Variants in C2orf92 observed in about 807,000 individuals in gnomAD.
The protein encoded by C2orf92 is chromosome 2 open reading frame 92.
At chr2:97,671,989 G>A (rs997790759) in intron 1 of C2orf92, among the ~76,000 whole-genome samples, 2 of 152,310 alleles carry the variant, frequency 1.3e-5, no homozygotes, top group African/African-American at 4.8e-5. Flanking sequence ...GAGACTCATT[G>A]GTCTCCACTC....
chr2:97,673,108 T>A (rs1675467371), intron 1 of C2orf92, among the ~76,000 whole-genome samples: 1 of 152,230 alleles, frequency 6.6e-6, no homozygotes, highest in South Asian at 2.1e-4. Flanking sequence ...TCTGCTTTGT[T>A]TCTGCCCCCA....
At chr2:97,681,106 CAAAAAAAAAAAA>C (rs58856044) in intron 3 of C2orf92, among the ~76,000 whole-genome samples, 9 of 11,968 alleles carry the variant, frequency 7.5e-4, no homozygotes, top group South Asian at 4.5e-3. Context: ...GACTCCATCT[CAAAAAAAAAAAA>C]AAAAAAAAAA....
upstream of C2orf92, chr2:97,669,658 G>A (rs920870651): frequency 2.5e-6 from 1 of 394,160 alleles, no homozygotes. Flanking sequence ...GGTTGAGCAG[G>A]CTCCACCTCA....
intron 2 of C2orf92, 57 bp downstream of exon 2, chr2:97,674,614 T>C (rs1475913362): frequency 5.0e-6 from 2 of 398,290 alleles, no homozygotes; most frequent in Non-Finnish European, 8.8e-6. Context: ...CTCTGTGTTA[T>C]CTCAAATATG....
chr2:97,688,371 G>C (rs1042576364), intron 3 of C2orf92, among the ~76,000 whole-genome samples: 6 of 152,138 alleles, frequency 3.9e-5, no homozygotes, highest in African/African-American at 1.4e-4. Flanking sequence ...AAAGCCTAGA[G>C]GGGAAGGTAA....
chr2:97,696,589 A>G (rs1676312882), intron 5 of C2orf92, among the ~76,000 whole-genome samples: 2 of 152,094 alleles, frequency 1.3e-5, no homozygotes, highest in African/African-American at 4.8e-5. Flanking sequence ...TACAAATATT[A>G]GCTGGGTGTG....
chr2:97,681,366 CTA>C (rs1345018421), intron 3 of C2orf92, among the ~76,000 whole-genome samples: 5 of 152,124 alleles, frequency 3.3e-5, no homozygotes, highest in African/African-American at 4.8e-5. Flanking sequence ...TGGAATGAAA[CTA>C]GAAATCTACA....
intron 3 of C2orf92, among the ~76,000 whole-genome samples, chr2:97,679,327 A>T (rs1003485616): frequency 6.6e-6 from 1 of 152,212 alleles, no homozygotes. Context: ...TACAGTGTAT[A>T]AAGATAGACT....
chr2:97,663,945 G>T, upstream of C2orf92: 1 of 979,294 alleles, frequency 1.0e-6, no homozygotes, highest in Non-Finnish European at 1.3e-6. Context: ...CACCGGATGG[G>T]CGGGCGGGCG....
chr2:97,678,913 G>A (rs1312618902), intron 3 of C2orf92, among the ~76,000 whole-genome samples: 1 of 151,676 alleles, frequency 6.6e-6, no homozygotes, highest in Non-Finnish European at 1.5e-5. Context: ...GGGAAGTCCA[G>A]GCTGCAGTGA....
In C2orf92 at chr2:97,702,809, C is replaced by A; in HGVS notation, c.*8C>A. 2.5e-6 allele frequency: 1 copy of A among 398,924 alleles called. No individual in the cohort carries two copies. Among genetic ancestry groups the A allele is most frequent in the South Asian group, 1.3e-4 (1 of 7,836 alleles). The allele number at this position is 398,924 out of a possible 1,614,324, so 24.7% of individuals were successfully genotyped here. ...AGCAGCTCCTGTGTCTAAGCCAGGT[C>A]GTGGGGCCGTCAAACCAGGACTTGA... On this transcript the variant is annotated 3_prime_UTR_variant, in exon 8 of 8. Coordinates refer to ENST00000627399, the MANE Select transcript of C2orf92 (RefSeq NM_001351368.2).
At chr2:97,665,692 A>ACTCT (rs67429887), upstream of C2orf92, 46 of 85,528 alleles carry the variant, frequency 5.4e-4, 1 homozygote, top group African/African-American at 1.7e-3. Flanking sequence ...TCAAAGCATG[A>ACTCT]CTCTCTCTCT....
At chr2:97,694,506 C>G (rs1287882300) in intron 5 of C2orf92, 1 of 151,596 alleles carries the variant, frequency 6.6e-6, no homozygotes, top group Non-Finnish European at 1.5e-5. Flanking sequence ...ATGATCCGCC[C>G]GCCTCGGCCT....
At chr2:97,664,114 T>G (rs1324574128), upstream of C2orf92, 5 of 264,142 alleles carry the variant, frequency 1.9e-5, no homozygotes, top group Middle Eastern at 1.1e-3. Context: ...CGGGGCTGGC[T>G]GCGCGAAGGG....
At chr2:97,683,103 C>T (rs1021182892) in intron 3 of C2orf92, among the ~76,000 whole-genome samples, 2 of 151,834 alleles carry the variant, frequency 1.3e-5, no homozygotes, top group South Asian at 4.1e-4. Context: ...CACACACACA[C>T]ACACACACAC....
chr2:97,675,368 A>G (rs1675541044), intron 2 of C2orf92, among the ~76,000 whole-genome samples: 1 of 152,218 alleles, frequency 6.6e-6, no homozygotes, highest in Admixed American at 6.5e-5. Flanking sequence ...GCCCTGCACC[A>G]TGTTTTATGA....
At chr2:97,676,326 C>T (rs944434116) in intron 3 of C2orf92, among the ~76,000 whole-genome samples, 3 of 149,100 alleles carry the variant, frequency 2.0e-5, no homozygotes, top group Admixed American at 1.3e-4. Flanking sequence ...CCCAGCTACT[C>T]GGGAGGTTGA....
At chr2:97,696,887 C>T (rs1676322387) in intron 5 of C2orf92, among the ~76,000 whole-genome samples, 1 of 152,202 alleles carries the variant, frequency 6.6e-6, no homozygotes, top group Non-Finnish European at 1.5e-5. Context: ...CATAGGTCCA[C>T]TGAATGGAAC....
At chr2:97,689,451 A>G (rs1398740480) in intron 4 of C2orf92, among the ~76,000 whole-genome samples, 2 of 152,236 alleles carry the variant, frequency 1.3e-5, no homozygotes, top group African/African-American at 2.4e-5. Context: ...GACTTACCTT[A>G]AGCACACCCA....
Sources: gnomAD v4.1 joint callset for allele counts (sites outside exome capture counted in the v4.1 genomes callset) on GRCh38, gnomAD v4.1.1 for gene constraint, MANE v1.5 for transcripts, NCBI Gene and HGNC (gene_info 2026-07-23, HGNC 2026-07-21) for gene names.